Variants in FHIP1A observed in about 807,000 individuals in gnomAD.
FHIP1A encodes FHF complex subunit HOOK-interacting protein 1A.
Under a neutral mutation model 88.6 loss-of-function variants are expected in FHIP1A, and 61 were observed. That is an observed-to-expected ratio of 0.69 (90% CI 0.56 to 0.85). FHIP1A has a LOEUF of 0.85. FHIP1A is among the 40% of genes least tolerant of loss of function. The pLI is 0.00. For missense variants in FHIP1A, 1,154 were observed against 1,273.5 expected (o/e 0.91, Z 1.43); for synonymous variants, 478 against 496.0 (o/e 0.96, Z 0.48).
Position 151,656,531 on chromosome 4 carries a change from C to A in FHIP1A, c.2730+121C>A. ...TTGCTCTAATTCATTTGCTTTCCTT[C>A]CCTGTCCTATTAAGCTCACTGTGTA... On this transcript the variant is annotated intron_variant, in intron 12 of 13. Transcript: ENST00000435205. The surrounding 1 kb of genome is among the most constrained non-coding windows in gnomAD (Gnocchi z 4.2). 9.0e-7 allele frequency: 1 copy of A among 1,106,104 alleles called. No homozygotes were observed. The highest frequency in any genetic ancestry group is 1.3e-6 in the Non-Finnish European group (1 of 779,440). The allele number at this position is 1,106,104 out of a possible 1,614,324, so 68.5% of individuals were successfully genotyped here. A position where few individuals can be genotyped will look rare whatever the true frequency, so the allele number is the denominator to read the frequency against.
intron 1 of FHIP1A, among the ~76,000 whole-genome samples, chr4:151,443,491 C>G (rs555672491): frequency 6.6e-6 from 1 of 152,058 alleles, no homozygotes; most frequent in Non-Finnish European, 1.5e-5. Context: ...ATTAACACTT[C>G]GCTTTCAGGG....
chr4:151,599,363 T>C (rs1395618037), intron 7 of FHIP1A, among the ~76,000 whole-genome samples: 2 of 152,210 alleles, frequency 1.3e-5, no homozygotes, highest in African/African-American at 4.8e-5. Flanking sequence ...TATAGTTCTG[T>C]TAGTCTGGGT....
rs1438298864 is a variant in FHIP1A at position 151,588,820 on chromosome 4, C to T, written c.892-20C>T. 1.4e-6 allele frequency: 2 copies of T among 1,463,076 alleles called. No individual in the cohort carries two copies. The highest frequency in any genetic ancestry group is 1.9e-6 in the Non-Finnish European group (2 of 1,066,606). 90.6% of individuals were successfully genotyped at this position (1,463,076 alleles called of 1,614,324 possible). On this transcript the variant is annotated intron_variant, in intron 6 of 13. Coordinates refer to ENST00000435205, the MANE Select transcript of FHIP1A (RefSeq NM_001109977.3). ...GATTGAACTCTTTGCCTTTTTCATG[C>T]CTATGTGCCTCTCTCTCAGGTGGCT...
At chr4:151,652,071 A>G (rs1737051295) in intron 11 of FHIP1A, among the ~76,000 whole-genome samples, 1 of 152,202 alleles carries the variant, frequency 6.6e-6, no homozygotes, top group African/African-American at 2.4e-5. Flanking sequence ...ATCCATAGCC[A>G]TGAAGATTAT....
At chr4:151,558,761 A>G (rs1733056431) in intron 3 of FHIP1A, among the ~76,000 whole-genome samples, 1 of 152,140 alleles carries the variant, frequency 6.6e-6, no homozygotes, top group African/African-American at 2.4e-5. Flanking sequence ...GTTTTGGGGA[A>G]CCCTAGGGTC....
In FHIP1A at chr4:151,609,971, G is replaced by A. The variant is rs113752583; in HGVS notation, c.979-19731G>A. Among the ~76,000 whole-genome samples, 476 of 152,264 alleles carry A rather than the reference G, an allele frequency of 3.1e-3. 2 individuals are homozygous for A. Among genetic ancestry groups the A allele is most frequent in the African/African-American group, 0.011 (457 of 41,556 alleles). ...CTTAAAATAGAGAGCAAAGAGGAAG[G>A]CACATTTATTCATTGACATGAACCT... On this transcript the variant is annotated intron_variant, in intron 7 of 13. Coordinates refer to ENST00000435205, the MANE Select transcript of FHIP1A (RefSeq NM_001109977.3).
rs918315541 is a variant in FHIP1A, at chr4:151,452,286, C to G, written c.-355-2415C>G. 1.3e-5 allele frequency among the ~76,000 whole-genome samples: 2 copies of G among 152,276 alleles called. 1 individual carries two copies. Among genetic ancestry groups the G allele is most frequent in the African/African-American group, 4.8e-5 (2 of 41,572 alleles). On this transcript the variant is annotated intron_variant, in intron 1 of 13. Transcript: ENST00000435205. ...TGTCAATGCTCATTTGAAAAATGCT[C>G]TGGTTTTTAGTGCTCTGTATTCTGG... is the stretch of plus-strand genomic sequence containing the variant.
chr4:151,551,140 G>A (rs17027675), intron 3 of FHIP1A, among the ~76,000 whole-genome samples: 5,162 of 152,246 alleles, frequency 0.034, 298 homozygotes, highest in African/African-American at 0.12. Context: ...GGAACCTGAG[G>A]GCATCCATTA....
intron 7 of FHIP1A, among the ~76,000 whole-genome samples, chr4:151,616,152 T>C (rs772001668): frequency 3.1e-4 from 47 of 152,234 alleles, no homozygotes; most frequent in Admixed American, 5.2e-4. Context: ...ACTGAATTTG[T>C]ACGGCTGAGG....
At chr4:151,450,769 T>G (rs1728763475) in intron 1 of FHIP1A, among the ~76,000 whole-genome samples, 1 of 152,098 alleles carries the variant, frequency 6.6e-6, no homozygotes. Context: ...GTTAATTTTC[T>G]TTCTTTATCT....
intron 3 of FHIP1A, among the ~76,000 whole-genome samples, chr4:151,557,539 C>G (rs1732997439): frequency 6.6e-6 from 1 of 152,150 alleles, no homozygotes; most frequent in Admixed American, 6.5e-5. Flanking sequence ...GCCAGTCACT[C>G]TAGAGGAAAG....
chr4:151,492,788 T>C (rs967412496), intron 3 of FHIP1A, among the ~76,000 whole-genome samples: 11 of 152,070 alleles, frequency 7.2e-5, no homozygotes, highest in Non-Finnish European at 1.6e-4. Flanking sequence ...TTGAACTGAA[T>C]GATAATAGTG....
chr4:151,436,657 T>A (rs1362420462), intron 1 of FHIP1A: 1 of 152,190 alleles, frequency 6.6e-6, no homozygotes. Context: ...TTGTCTCAAA[T>A]CACCCTCTCA....
At chr4:151,635,809 A>G (rs958337155) in intron 8 of FHIP1A, among the ~76,000 whole-genome samples, 8 of 152,024 alleles carry the variant, frequency 5.3e-5, no homozygotes, top group Non-Finnish European at 7.4e-5. Flanking sequence ...CTGTTGCATA[A>G]CAATGTGAAT....
chr4:151,527,390 G>A (rs918870793), intron 3 of FHIP1A, among the ~76,000 whole-genome samples: 3 of 152,220 alleles, frequency 2.0e-5, no homozygotes, highest in Admixed American at 6.5e-5. Flanking sequence ...CAGGCGTGGC[G>A]GCGCACACCT....
chr4:151,576,163 G>C (rs1230717817), intron 4 of FHIP1A, among the ~76,000 whole-genome samples: 2 of 152,218 alleles, frequency 1.3e-5, no homozygotes. Context: ...TCTGTTGGCA[G>C]AGAAAGGTGA....
chr4:151,424,572 G>A (rs1733293936), intron 1 of FHIP1A, among the ~76,000 whole-genome samples: 1 of 152,124 alleles, frequency 6.6e-6, no homozygotes, highest in Admixed American at 6.5e-5. Context: ...ATCTGATAGG[G>A]CATAAACCCT....
chr4:151,563,096 A>G (rs60169090), intron 3 of FHIP1A, among the ~76,000 whole-genome samples: 16,423 of 151,982 alleles, frequency 0.11, 921 homozygotes, highest in Non-Finnish European at 0.12. Context: ...TTATTGATGG[A>G]AAGTATTTTT....
intron 2 of FHIP1A, among the ~76,000 whole-genome samples, chr4:151,475,410 C>A (rs1028013190): frequency 6.6e-6 from 1 of 152,088 alleles, no homozygotes; most frequent in Non-Finnish European, 1.5e-5. Context: ...GATTGGAATG[C>A]GATTTCTATT....
Sources: gnomAD v4.1 joint callset for allele counts (sites outside exome capture counted in the v4.1 genomes callset) on GRCh38, gnomAD v4.1.1 for gene constraint, Gnocchi (gnomAD v3.1) non-coding constraint, MANE v1.5 for transcripts, NCBI Gene and HGNC (gene_info 2026-07-23, HGNC 2026-07-21) for gene names.